The following PTPRD variants were observed in gnomAD, a reference collection of about 807,000 sequenced individuals.
PTPRD encodes the protein protein tyrosine phosphatase receptor type D, also known as receptor-type tyrosine-protein phosphatase delta.
A neutral mutation model predicts 214.5 loss-of-function variants in PTPRD; 34 were observed. That is an observed-to-expected ratio of 0.16 (90% CI 0.12 to 0.21). The LOEUF is 0.21. Among genes scored for constraint, PTPRD ranks in the 10% least tolerant of loss-of-function variants. The pLI, the probability that PTPRD is intolerant of heterozygous loss-of-function variation, is 1.00. For synonymous variants in PTPRD, 1,128 were observed against 845.7 expected, an observed-to-expected ratio of 1.33 and a Z score of -5.79; for missense variants, 2,545 against 2,398.7, an observed-to-expected ratio of 1.06 and a Z score of -1.27.
chr9:9,074,714 C>CT (rs1013682449), intron 10 of PTPRD, among the ~76,000 whole-genome samples: 2 of 150,928 alleles, frequency 1.3e-5, no homozygotes, highest in African/African-American at 2.4e-5. Flanking sequence ...CAGATGATTA[C>CT]TTTTTTTTTC....
chr9:10,485,675 T>G (rs573253055), intron 2 of PTPRD, among the ~76,000 whole-genome samples: 3 of 152,246 alleles, frequency 2.0e-5, no homozygotes, highest in South Asian at 2.1e-4. Context: ...TTTTGGCATA[T>G]AGAAATACTG....
intron 11 of PTPRD, among the ~76,000 whole-genome samples, chr9:8,998,687 A>G (rs144734911): frequency 3.8e-3 from 579 of 152,226 alleles, no homozygotes; most frequent in African/African-American, 0.013. Flanking sequence ...TTATAAGGCT[A>G]GAGCTGCTAT....
At chr9:9,659,475 A>G (rs898015192) in intron 7 of PTPRD, among the ~76,000 whole-genome samples, 7 of 152,022 alleles carry the variant, frequency 4.6e-5, no homozygotes, top group Non-Finnish European at 1.0e-4. Context: ...CGCCAGGGCT[A>G]TACATCAAAT....
chr9:10,474,756 C>A (rs1370936748), intron 2 of PTPRD, among the ~76,000 whole-genome samples: 1 of 151,874 alleles, frequency 6.6e-6, no homozygotes, highest in African/African-American at 2.4e-5. Flanking sequence ...TCAGCAAATA[C>A]AAAAGAATGG....
rs973700590 is a variant in PTPRD, at chr9:9,089,278, G to A, written c.-142-70543C>T. 3.3e-5 allele frequency among the ~76,000 whole-genome samples: 5 copies of A among 152,110 alleles called. No individual in the cohort carries two copies. The East Asian group carries it at 9.6e-4, about 29-fold the overall frequency. ...TATGAGCCATAGTCACAAATAATAG[G>A]TAAAGAAATAAGTGTGTCCTAATAA... On this transcript the variant is annotated intron_variant, in intron 10 of 45. Transcript: ENST00000381196.
At position 9,437,324 on chromosome 9, in the gene PTPRD, G is replaced by T. The variant is rs148452312; in HGVS notation, c.-236-39842C>A. Reference sequence around the variant, plus strand: ...AAAATGTATTATTACTTATTTTACTGATGTCTTTCACAAAATAAGCTGAAT... The same window carrying T: ...AAAATGTATTATTACTTATTTTACTTATGTCTTTCACAAAATAAGCTGAAT... On this transcript the variant is annotated intron_variant, in intron 8 of 45. Transcript: ENST00000381196. Among the ~76,000 whole-genome samples the T allele has an allele frequency of 7.1e-3, 1,083 of 151,926 alleles. 4 individuals are homozygous for T. Among genetic ancestry groups the T allele is most frequent in the African/African-American group, 0.012 (515 of 41,412 alleles).
intron 9 of PTPRD, among the ~76,000 whole-genome samples, chr9:9,363,864 T>C (rs990899955): frequency 9.9e-5 from 15 of 151,432 alleles, no homozygotes; most frequent in African/African-American, 3.1e-4. Context: ...GTGTTGATAC[T>C]TAATTATTTA....
chr9:9,339,787 G>T (rs970747532), intron 9 of PTPRD, among the ~76,000 whole-genome samples: 2 of 152,090 alleles, frequency 1.3e-5, no homozygotes, highest in Non-Finnish European at 2.9e-5. Context: ...AATGAAAGAT[G>T]CTCACTACTT....
At chr9:10,096,092 A>G (rs76580799) in intron 3 of PTPRD, among the ~76,000 whole-genome samples, 2,387 of 151,720 alleles carry the variant, frequency 0.016, 54 homozygotes, top group African/African-American at 0.054. Flanking sequence ...TGGATTGACC[A>G]TTCTGATTAC....
At chr9:8,922,368 T>C (rs1410405971) in intron 11 of PTPRD, among the ~76,000 whole-genome samples, 1 of 151,914 alleles carries the variant, frequency 6.6e-6, no homozygotes, top group African/African-American at 2.4e-5. Flanking sequence ...TTATGCCAAA[T>C]ATCTACACAT....
intron 32 of PTPRD, among the ~76,000 whole-genome samples, chr9:8,462,153 T>C (rs2096429333): frequency 6.6e-6 from 1 of 152,012 alleles, no homozygotes; most frequent in African/African-American, 2.4e-5. Flanking sequence ...CAAATTAGTA[T>C]GAGTTTCTTA....
intron 11 of PTPRD, among the ~76,000 whole-genome samples, chr9:8,872,590 G>A (rs1836096): frequency 6.6e-6 from 1 of 152,228 alleles, no homozygotes; most frequent in African/African-American, 2.4e-5. Context: ...TCTGCACAAA[G>A]CGTGATAGAA....
intron 9 of PTPRD, among the ~76,000 whole-genome samples, chr9:9,367,729 G>A (rs2058274771): frequency 6.6e-6 from 1 of 151,644 alleles, no homozygotes; most frequent in South Asian, 2.1e-4. Context: ...TCCTGGGTGT[G>A]GAGAGGCTAT....
At chr9:9,047,200 A>T (rs2099674406) in intron 10 of PTPRD, among the ~76,000 whole-genome samples, 1 of 152,098 alleles carries the variant, frequency 6.6e-6, no homozygotes, top group Non-Finnish European at 1.5e-5. Context: ...TAACCAAACA[A>T]GTGAAAAATC....
In PTPRD at chr9:10,079,997, T is replaced by C. The variant is rs1406588618; in HGVS notation, c.-544-46207A>G. The stretch of plus-strand genomic sequence containing the variant: ...TCCCAACACATGTCACTGTCAAATG[T>C]GTGGACAGAATAAACAAGGAATTTT... On this transcript the variant is annotated intron_variant, in intron 3 of 45. Coordinates refer to ENST00000381196, the MANE Select transcript of PTPRD (RefSeq NM_002839.4). Among the ~76,000 whole-genome samples the C allele has an allele frequency of 3.3e-5, 5 of 151,644 alleles. No homozygotes were observed. In the East Asian group the frequency reaches 7.8e-4, roughly 24 times the overall value.
At chr9:10,306,560 TGA>T (rs1401109111) in intron 3 of PTPRD, among the ~76,000 whole-genome samples, 3 of 152,106 alleles carry the variant, frequency 2.0e-5, no homozygotes, top group Non-Finnish European at 2.9e-5. Flanking sequence ...AAGGTAATAA[TGA>T]GAGTTTAACC....
At chr9:9,040,608 T>G (rs987574246) in intron 10 of PTPRD, among the ~76,000 whole-genome samples, 5 of 152,160 alleles carry the variant, frequency 3.3e-5, no homozygotes, top group Admixed American at 6.6e-5. Flanking sequence ...GTTTTGTACT[T>G]GAAGTGATTT....
intron 9 of PTPRD, among the ~76,000 whole-genome samples, chr9:9,289,190 TATTA>T (rs1358976753): frequency 4.6e-5 from 7 of 151,852 alleles, no homozygotes; most frequent in African/African-American, 1.7e-4. Context: ...TATTTCCTTT[TATTA>T]ATTAAACTAA....
At chr9:10,006,601 TC>T (rs1347604619) in intron 4 of PTPRD, among the ~76,000 whole-genome samples, 1 of 151,918 alleles carries the variant, frequency 6.6e-6, no homozygotes, top group Admixed American at 6.6e-5. Flanking sequence ...TAATATTGTT[TC>T]TTCAAATAAC....
Sources: gnomAD v4.1 joint callset for allele counts (sites outside exome capture counted in the v4.1 genomes callset) on GRCh38, gnomAD v4.1.1 for gene constraint, MANE v1.5 for transcripts, NCBI Gene and HGNC (gene_info 2026-07-23, HGNC 2026-07-21) for gene names.